Variants in FSTL4 observed in about 807,000 individuals in gnomAD.
The protein encoded by FSTL4 is follistatin-related protein 4.
Under a neutral mutation model 78.2 loss-of-function variants are expected in FSTL4, and 28 were observed. The ratio of observed to expected loss-of-function variants is 0.36; its 90% CI spans 0.27 to 0.49. The LOEUF is 0.49. FSTL4 is among the 20% of genes least tolerant of loss of function. The probability of loss-of-function intolerance (pLI) is 0.98; values close to 1 mark genes in which losing one functional copy is unlikely to be tolerated. For synonymous variants in FSTL4, 422 were observed against 440.5 expected, an observed-to-expected ratio of 0.96 and a Z score of 0.53; for missense variants, 922 against 1,084.9, an observed-to-expected ratio of 0.85 and a Z score of 2.11.
the FSTL4 span, among the ~76,000 whole-genome samples, chr5:133,809,170 G>A: frequency 8.6e-5 from 13 of 151,668 alleles, no homozygotes; most frequent in East Asian, 2.0e-3. Context: ...GTTCGAGACC[G>A]GCCTGGCCAA....
At chr5:133,605,780 G>A (rs893057450) in intron 1 of FSTL4, among the ~76,000 whole-genome samples, 4 of 151,998 alleles carry the variant, frequency 2.6e-5, no homozygotes, top group Admixed American at 2.0e-4. Context: ...CTGTTTCTTC[G>A]GTCACTCATC....
the FSTL4 span, among the ~76,000 whole-genome samples, chr5:133,822,122 T>C: frequency 6.6e-6 from 1 of 152,188 alleles, no homozygotes; most frequent in Admixed American, 6.5e-5. Context: ...GTCTTTGATG[T>C]ATGAACACTC....
Position 133,225,509 on chromosome 5 carries a change from G to T in FSTL4, c.1177+149C>A. The T allele has an allele frequency of 2.3e-6, 2 of 852,092 alleles. No homozygotes were observed. The highest frequency in any genetic ancestry group is 1.9e-6 in the Non-Finnish European group (1 of 538,884). The allele number at this position is 852,092 out of a possible 1,614,324, so 52.8% of individuals were successfully genotyped here. On this transcript the variant is annotated intron_variant, in intron 9 of 15. Coordinates refer to ENST00000265342, the MANE Select transcript of FSTL4 (RefSeq NM_015082.2). The surrounding 1 kb of genome is among the most constrained non-coding windows in gnomAD (Gnocchi z 4.6). ...AGAAAGCCCCAAAAGATCTGTGTGA[G>T]CCCAGATAACAGGGAAATTTGGGAG...
At chr5:133,761,439 T>C in the FSTL4 span, among the ~76,000 whole-genome samples, 9 of 152,228 alleles carry the variant, frequency 5.9e-5, no homozygotes, top group Non-Finnish European at 1.2e-4. Flanking sequence ...GCTTCAAGGT[T>C]CATTCAATAA....
chr5:133,548,263 A>G (rs1759622428), intron 3 of FSTL4, among the ~76,000 whole-genome samples: 1 of 152,170 alleles, frequency 6.6e-6, no homozygotes, highest in African/African-American at 2.4e-5. Flanking sequence ...ATTTATAGTC[A>G]GTAGGTCAGA....
At chr5:133,717,868 G>A in the FSTL4 span, among the ~76,000 whole-genome samples, 4 of 152,160 alleles carry the variant, frequency 2.6e-5, no homozygotes, top group South Asian at 2.1e-4. Flanking sequence ...TATGAATAAA[G>A]CTGCTATGAA....
chr5:133,371,972 C>G (rs1431398132), intron 4 of FSTL4, among the ~76,000 whole-genome samples: 2 of 152,214 alleles, frequency 1.3e-5, no homozygotes, highest in Non-Finnish European at 2.9e-5. Context: ...GAAGGCTCAC[C>G]ATTTTATGGT....
intron 3 of FSTL4, among the ~76,000 whole-genome samples, chr5:133,444,066 T>C (rs982878845): frequency 2.6e-5 from 4 of 152,174 alleles, no homozygotes; most frequent in South Asian, 2.1e-4. Flanking sequence ...CCATGGCACA[T>C]GGAGGGTAGG....
At chr5:133,466,919 AGT>A (rs965688007) in intron 3 of FSTL4, among the ~76,000 whole-genome samples, 28 of 147,832 alleles carry the variant, frequency 1.9e-4, no homozygotes, top group African/African-American at 5.1e-4. Context: ...TAAGTGTGAG[AGT>A]GTGTGTGAGA....
intron 4 of FSTL4, among the ~76,000 whole-genome samples, chr5:133,390,050 G>A (rs992579751): frequency 2.0e-5 from 3 of 152,190 alleles, no homozygotes; most frequent in Non-Finnish European, 2.9e-5. Context: ...CCAACTGAAG[G>A]GGGCATGGAG....
chr5:133,785,812 C>A, the FSTL4 span, among the ~76,000 whole-genome samples: 1 of 152,130 alleles, frequency 6.6e-6, no homozygotes, highest in African/African-American at 2.4e-5. Flanking sequence ...GGGAGAAAGG[C>A]ACATAGACAA....
At chr5:133,481,527 G>A (rs1341448780) in intron 3 of FSTL4, among the ~76,000 whole-genome samples, 3 of 130,602 alleles carry the variant, frequency 2.3e-5, no homozygotes, top group East Asian at 4.4e-4. Context: ...GGGTGACAGA[G>A]TGAGACTGTC....
chr5:133,671,345 CAT>C, the FSTL4 span, among the ~76,000 whole-genome samples: 1 of 152,178 alleles, frequency 6.6e-6, no homozygotes, highest in African/African-American at 2.4e-5. Flanking sequence ...CACAGCACTA[CAT>C]AACAGATACA....
the FSTL4 span, among the ~76,000 whole-genome samples, chr5:133,641,318 T>C: frequency 2.6e-5 from 4 of 152,290 alleles, no homozygotes; most frequent in South Asian, 4.1e-4. Context: ...GTTGGCTTAC[T>C]GTTCTCAGGC....
intron 4 of FSTL4, among the ~76,000 whole-genome samples, chr5:133,329,321 A>C (rs1218313002): frequency 6.6e-6 from 1 of 152,098 alleles, no homozygotes; most frequent in East Asian, 1.9e-4. Context: ...TCACGGTACC[A>C]TCCTGCACAA....
the FSTL4 span, among the ~76,000 whole-genome samples, chr5:133,644,129 T>C: frequency 6.6e-6 from 1 of 152,178 alleles, no homozygotes; most frequent in Non-Finnish European, 1.5e-5. Flanking sequence ...AGGGATGCAC[T>C]GTGCTAGGAG....
At chr5:133,213,132 A>G (rs1198879580) in intron 13 of FSTL4, among the ~76,000 whole-genome samples, 1 of 151,072 alleles carries the variant, frequency 6.6e-6, no homozygotes, top group Non-Finnish European at 1.5e-5. Flanking sequence ...CCTCCCAAGT[A>G]GCTGGGATTA....
intron 4 of FSTL4, among the ~76,000 whole-genome samples, chr5:133,356,405 G>T (rs865828440): frequency 5.3e-5 from 8 of 152,294 alleles, no homozygotes; most frequent in Middle Eastern, 3.4e-3. Context: ...CTAGGAGGAG[G>T]TACTGGGAGG....
the FSTL4 span, among the ~76,000 whole-genome samples, chr5:133,667,497 C>T: frequency 6.6e-6 from 1 of 152,156 alleles, no homozygotes; most frequent in Non-Finnish European, 1.5e-5. Flanking sequence ...TTTAAATGGT[C>T]CATAAGACCC....
Sources: gnomAD v4.1 joint callset for allele counts (sites outside exome capture counted in the v4.1 genomes callset) on GRCh38, gnomAD v4.1.1 for gene constraint, Gnocchi (gnomAD v3.1) non-coding constraint, MANE v1.5 for transcripts, NCBI Gene and HGNC (gene_info 2026-07-23, HGNC 2026-07-21) for gene names.